The following LRIT3 variants were observed in gnomAD, a reference collection of about 807,000 sequenced individuals.
LRIT3 encodes the protein leucine-rich repeat, immunoglobulin-like domain and transmembrane domain-containing protein 3.
A neutral mutation model predicts 22.6 loss-of-function variants in LRIT3; 14 were observed. The ratio of observed to expected loss-of-function variants is 0.62; its 90% CI spans 0.41 to 0.97. The LOEUF (loss-of-function observed/expected upper bound fraction) is 0.97. LRIT3 is among the 50% of genes least tolerant of loss of function. LRIT3 has a pLI of 0.00. For missense variants in LRIT3, 783 were observed against 803.0 expected, an observed-to-expected ratio of 0.98 and a Z score of 0.30; for synonymous variants, 306 against 304.5, an observed-to-expected ratio of 1.01 and a Z score of -0.05.
Position 109,851,697 on chromosome 4 carries a change from C to A in LRIT3, c.310C>A (p.Leu104Met), listed in dbSNP as rs1456611753. ...ASIDPSSFYNLKQLHELRLDG... is the reference protein window; with the variant it reads ...ASIDPSSFYNMKQLHELRLDG... ...CATTGACCCCAGCAGCTTTTACAAC[C>A]TGAAGCAACTGCATGAGTTGCGCTT... is the stretch of plus-strand genomic sequence containing the variant. Residue 104 changes from leucine (L) to methionine (M), a missense_variant, in exon 2 of 4, where the codon CTG (leucine) becomes ATG (methionine). Around this residue, in one of 2 missense-constraint regions of LRIT3, gnomAD observed 756 missense variants for 753.8 expected, o/e 1.00. Transcript: ENST00000594814. 2 of 1,551,602 alleles carry A rather than the reference C, an allele frequency of 1.3e-6. No homozygotes were observed. The highest frequency in any genetic ancestry group is 1.7e-6 in the Non-Finnish European group (2 of 1,147,008).
At chr4:109,856,109 A>G (rs1484468736) in intron 2 of LRIT3, among the ~76,000 whole-genome samples, 1 of 152,186 alleles carries the variant, frequency 6.6e-6, no homozygotes, top group Non-Finnish European at 1.5e-5. Flanking sequence ...CCCTGACTGC[A>G]CATCCATTCA....
intron 2 of LRIT3, among the ~76,000 whole-genome samples, chr4:109,859,609 G>C (rs1734485979): frequency 6.6e-6 from 1 of 152,204 alleles, no homozygotes; most frequent in African/African-American, 2.4e-5. Flanking sequence ...GCCATGGCAA[G>C]ATGAGGGTGT....
Position 109,870,294 on chromosome 4 carries a change from G to T in LRIT3, c.1545G>T (p.Val515=). The change falls in exon 4 of 4, where the codon GTG becomes GTT. Residue 515 remains valine, a synonymous_variant. Transcript: ENST00000594814. ...NMINTTHNSA[V]TVLYSKYGGK... is the part of the protein sequence containing the mutation. ...TCAACACCACACATAACTCTGCAGT[G>T]ACTGTGTTGTATTCCAAGTATGGTG... 1 of 1,614,200 alleles carries T rather than the reference G, an allele frequency of 6.2e-7. No individual in the cohort carries two copies. The highest frequency in any genetic ancestry group is 1.1e-5 in the South Asian group (1 of 91,082).
intron 2 of LRIT3, among the ~76,000 whole-genome samples, chr4:109,862,195 G>A (rs1020672089): frequency 2.0e-5 from 3 of 152,106 alleles, no homozygotes; most frequent in African/African-American, 4.8e-5. Flanking sequence ...CAAAAATAGC[G>A]CATTTAGTCC....
Position 109,851,521 on chromosome 4 carries a change from A to C in LRIT3, c.134A>C (p.Asp45Ala). ...GSGSRLVLCN[D>A]MDMNELPTNL... is the part of the protein sequence containing the mutation. The stretch of plus-strand genomic sequence containing the variant: ...GACACTAGGTTGGTGCTATGTAATG[A>C]CATGGATATGAACGAGCTGCCTACG... The change falls in exon 2 of 4, where the codon GAC (aspartate) becomes GCC (alanine). Residue 45 changes from aspartate (D) to alanine (A), a missense_variant. Physicochemically the swap from Asp to Ala is moderately radical, Grantham distance 126 (BLOSUM62 -2). Coordinates refer to ENST00000594814, the MANE Select transcript of LRIT3 (RefSeq NM_198506.5). 6.5e-7 allele frequency: 1 copy of C among 1,544,342 alleles called. No homozygotes were observed.
intron 2 of LRIT3, among the ~76,000 whole-genome samples, chr4:109,863,995 T>G (rs1243442952): frequency 1.9e-4 from 29 of 152,182 alleles, no homozygotes; most frequent in Non-Finnish European, 8.8e-5. Context: ...CTGGCATAAG[T>G]TGAAGTGTTT....
chr4:109,852,360 A>G (rs1380178851), intron 2 of LRIT3, among the ~76,000 whole-genome samples: 1 of 152,194 alleles, frequency 6.6e-6, no homozygotes, highest in Non-Finnish European at 1.5e-5. Context: ...TCAACTCTTC[A>G]TTAGGTTCTT....
Position 109,857,993 on chromosome 4 carries a change from AG to A in LRIT3, c.589+6019del, listed in dbSNP as rs1734443933. On this transcript the variant is annotated intron_variant, in intron 2 of 3. Coordinates refer to ENST00000594814, the MANE Select transcript of LRIT3 (RefSeq NM_198506.5). ...TGACCAGATGGTAGTGTGACCTCCA[AG>A]GTTTGAATATCTAATGAGAAACATC... is the stretch of plus-strand genomic sequence containing the variant. Among the ~76,000 whole-genome samples the A allele has an allele frequency of 2.6e-5, 4 of 152,322 alleles. No homozygotes were observed. In the South Asian group the frequency reaches 8.3e-4, roughly 32 times the overall value.
Position 109,870,310 on chromosome 4 carries a change from A to G in LRIT3, c.1561A>G (p.Lys521Glu). Reference sequence around the variant, plus strand: ...CTCTGCAGTGACTGTGTTGTATTCCAAGTATGGTGGGAAGGACCTGCTGCT... The same window carrying G: ...CTCTGCAGTGACTGTGTTGTATTCCGAGTATGGTGGGAAGGACCTGCTGCT... ...HNSAVTVLYS[K>E]YGGKDLLLLN... The change falls in exon 4 of 4, where the codon AAG (lysine) becomes GAG (glutamate). Residue 521 changes from lysine to glutamate, a missense_variant. Physicochemically the swap from Lys to Glu is moderately conservative, Grantham distance 56. Around this residue, in one of 2 missense-constraint regions of LRIT3, gnomAD observed 756 missense variants for 753.8 expected, o/e 1.00. Transcript: ENST00000594814. 6.2e-7 allele frequency: 1 copy of G among 1,614,176 alleles called. No homozygotes were observed. The highest frequency in any genetic ancestry group is 1.1e-5 in the South Asian group (1 of 91,078).
At chr4:109,856,218 T>A (rs1734397391) in intron 2 of LRIT3, among the ~76,000 whole-genome samples, 1 of 152,156 alleles carries the variant, frequency 6.6e-6, no homozygotes, top group Non-Finnish European at 1.5e-5. Context: ...AATTTTGTAC[T>A]TACAATTATC....
At position 109,867,871 on chromosome 4, in the gene LRIT3, C is replaced by T. The variant is rs371237040; in HGVS notation, c.820C>T (p.Arg274Trp). The T allele has an allele frequency of 1.7e-5, 28 of 1,613,908 alleles. No homozygotes were observed. The highest frequency in any genetic ancestry group is 1.7e-4 in the Middle Eastern group (1 of 6,018). ...MSALGSNVLL[R>W]CDATGFPTPQ... is the part of the protein sequence containing the mutation. ...TGCTCTGGGCAGTAATGTTCTACTG[C>T]GGTGTGATGCCACTGGCTTCCCCAC... is the stretch of plus-strand genomic sequence containing the variant. Residue 274 changes from arginine to tryptophan, a missense_variant, in exon 3 of 4, where the codon CGG (arginine) becomes TGG (tryptophan). Arg to Trp is a moderately radical substitution (Grantham distance 101, BLOSUM62 -3). Transcript: ENST00000594814.
intron 2 of LRIT3, among the ~76,000 whole-genome samples, chr4:109,865,858 T>C: frequency 6.6e-6 from 1 of 152,100 alleles, no homozygotes; most frequent in South Asian, 2.1e-4. Context: ...GACGTTAGGT[T>C]CCAGAGCCAC....
In LRIT3 at chr4:109,870,628, A is replaced by G; in HGVS notation, c.1879A>G (p.Ile627Val). ...AGATGATTTGGCAAAGGAGACTTATATCCAATTTGAGACCCTGTTTCCCAG... is the reference window on the plus strand; with the variant it reads ...AGATGATTTGGCAAAGGAGACTTATGTCCAATTTGAGACCCTGTTTCCCAG... ...WEDDLAKETY[I>V]QFETLFPRSQ... The change falls in exon 4 of 4, where the codon ATC (isoleucine) becomes GTC (valine). Residue 627 changes from isoleucine (I) to valine (V), a missense_variant. Coordinates refer to ENST00000594814, the MANE Select transcript of LRIT3 (RefSeq NM_198506.5). 3 of 1,614,122 alleles carry G rather than the reference A, an allele frequency of 1.9e-6. No individual in the cohort carries two copies. The highest frequency in any genetic ancestry group is 1.1e-5 in the South Asian group (1 of 91,072).
At position 109,870,191 on chromosome 4, in the gene LRIT3, C is replaced by G. The variant is rs116570736; in HGVS notation, c.1442C>G (p.Thr481Arg). Residue 481 changes from threonine (T) to arginine (R), a missense_variant, in exon 4 of 4, where the codon ACG becomes AGG. This residue lies in a region of LRIT3 where 756 missense variants were observed against 753.8 expected (regional missense o/e 1.00). Transcript: ENST00000594814. ...GCATTGTTGGATCAAACAATGCTTA[C>G]GGAGACAAATGCCGCAATAGAAAAC... The part of the protein sequence containing the change: ...ELALLDQTML[T>R]ETNAAIENLR... The G allele has an allele frequency of 1.2e-6, 2 of 1,614,180 alleles. No homozygotes were observed. The highest frequency in any genetic ancestry group is 1.7e-6 in the Non-Finnish European group (2 of 1,180,024).
intron 2 of LRIT3, 75 bp from the exon 3 acceptor site, chr4:109,867,566 A>G (rs776605204): frequency 2.4e-6 from 3 of 1,234,632 alleles, no homozygotes; most frequent in South Asian, 1.8e-5. Flanking sequence ...GTAGATCCCT[A>G]CTTTCTCAAG....
intron 2 of LRIT3, among the ~76,000 whole-genome samples, chr4:109,857,224 A>T (rs894698684): frequency 1.0e-4 from 15 of 150,414 alleles, no homozygotes; most frequent in Non-Finnish European, 1.9e-4. Context: ...GTTGGACTCC[A>T]TATAGATAGT....
chr4:109,867,655 C>A lies in LRIT3; in HGVS notation c.604C>A (p.Pro202Thr). The change falls in exon 3 of 4, where the codon CCT (proline) becomes ACT (threonine). Residue 202 changes from proline (P) to threonine (T), a missense_variant. Around this residue, in one of 2 missense-constraint regions of LRIT3, gnomAD observed 756 missense variants for 753.8 expected, o/e 1.00. Coordinates refer to ENST00000594814, the MANE Select transcript of LRIT3 (RefSeq NM_198506.5). ...TTCTGTTTTAGGTCTACAGGACAAT[C>A]CTTGGTTCTGTGACTGTCATATTTC... ...SRIILGLQDN[P>T]WFCDCHISKM... 1 of 1,613,812 alleles carries A rather than the reference C, an allele frequency of 6.2e-7. No homozygotes were observed. The highest frequency in any genetic ancestry group is 8.5e-7 in the Non-Finnish European group (1 of 1,179,784).
intron 2 of LRIT3, among the ~76,000 whole-genome samples, chr4:109,863,101 T>TAA (rs1293661736): frequency 1.3e-5 from 2 of 152,192 alleles, no homozygotes; most frequent in Non-Finnish European, 2.9e-5. Flanking sequence ...ATTAGGATGC[T>TAA]AAAAAAATCT....
In LRIT3 at chr4:109,867,854, G is replaced by A; in HGVS notation, c.803G>A (p.Gly268Asp). 6.2e-7 allele frequency: 1 copy of A among 1,614,112 alleles called. No individual in the cohort carries two copies. Among genetic ancestry groups the A allele is most frequent in the African/African-American group, 1.3e-5 (1 of 75,028 alleles). The change falls in exon 3 of 4, where the codon GGC becomes GAC. Residue 268 changes from glycine to aspartate, a missense_variant. By Grantham distance (94) the Gly-to-Asp change is moderately conservative. This residue lies in a region of LRIT3 where 756 missense variants were observed against 753.8 expected (regional missense o/e 1.00). Transcript: ENST00000594814. ...TSATKIMSAL[G>D]SNVLLRCDAT... ...GCCACCAAAATCATGTCTGCTCTGG[G>A]CAGTAATGTTCTACTGCGGTGTGAT...
Sources: allele counts gnomAD v4.1 joint callset (sites outside exome capture counted in the v4.1 genomes callset), GRCh38; gene constraint gnomAD v4.1.1; regional missense constraint gnomAD v4.1.1; transcripts MANE v1.5; gene names NCBI Gene and HGNC (gene_info 2026-07-23, HGNC 2026-07-21).